ENTREP2: variants seen among roughly 807,000 people sequenced by gnomAD.
ENTREP2 encodes the protein endosomal transmembrane epsin interactor 2.
At chr15:29,365,920 C>T in the ENTREP2 span, among the ~76,000 whole-genome samples, 1 of 152,124 alleles carries the variant, frequency 6.6e-6, no homozygotes, top group Non-Finnish European at 1.5e-5. Flanking sequence ...CAAGGTGCAG[C>T]AGAACCCAGC....
chr15:29,634,699 T>C, the ENTREP2 span, among the ~76,000 whole-genome samples: 1 of 152,248 alleles, frequency 6.6e-6, no homozygotes, highest in African/African-American at 2.4e-5. Flanking sequence ...CAGCAACAAG[T>C]CCGGGGCCTC....
the ENTREP2 span, among the ~76,000 whole-genome samples, chr15:29,345,866 G>A: frequency 6.6e-5 from 10 of 152,280 alleles, no homozygotes; most frequent in Middle Eastern, 3.4e-3. Flanking sequence ...TCAAAAGCAC[G>A]TCCCCGTGAG....
At chr15:29,274,278 T>C in the ENTREP2 span, among the ~76,000 whole-genome samples, 1 of 152,330 alleles carries the variant, frequency 6.6e-6, no homozygotes, top group Non-Finnish European at 1.5e-5. Flanking sequence ...TGTGCATTTA[T>C]TATGTTTCTC....
chr15:29,521,782 A>G, the ENTREP2 span, among the ~76,000 whole-genome samples: 25 of 152,194 alleles, frequency 1.6e-4, no homozygotes, highest in Non-Finnish European at 3.2e-4. Flanking sequence ...GGGAATTGAC[A>G]CTAGTTGGCA....
the ENTREP2 span, among the ~76,000 whole-genome samples, chr15:29,293,423 ATTTTTTTTT>A: frequency 7.0e-6 from 1 of 143,612 alleles, no homozygotes; most frequent in Non-Finnish European, 1.5e-5. Context: ...AATTTTTTGT[ATTTTTTTTT>A]TTTTTAGTAG....
the ENTREP2 span, among the ~76,000 whole-genome samples, chr15:29,629,517 C>T: frequency 4.6e-5 from 7 of 152,252 alleles, no homozygotes; most frequent in African/African-American, 1.2e-4. Context: ...TGAAGCATAT[C>T]GCAGTCTACT....
chr15:29,629,186 T>C, the ENTREP2 span, among the ~76,000 whole-genome samples: 152 of 152,360 alleles, frequency 1.0e-3, no homozygotes, highest in Middle Eastern at 3.4e-3. Context: ...TATGTCATTA[T>C]AGTGAGTTTC....
chr15:29,587,209 G>GA, the ENTREP2 span, among the ~76,000 whole-genome samples: 4 of 146,528 alleles, frequency 2.7e-5, no homozygotes, highest in Middle Eastern at 7.1e-3. Context: ...TCTGTCCACT[G>GA]AAAAAATCTA....
chr15:29,470,661 G>A, the ENTREP2 span, among the ~76,000 whole-genome samples: 1 of 152,198 alleles, frequency 6.6e-6, no homozygotes, highest in African/African-American at 2.4e-5. Flanking sequence ...ACAAGGTGAT[G>A]CGTGTGACTC....
At chr15:29,479,648 G>A in the ENTREP2 span, among the ~76,000 whole-genome samples, 1 of 104,848 alleles carries the variant, frequency 9.5e-6, no homozygotes, top group Non-Finnish European at 1.9e-5. Context: ...CTCTCTCTCT[G>A]TCTGTCTCAC....
At chr15:29,529,511 G>A in the ENTREP2 span, among the ~76,000 whole-genome samples, 1 of 151,924 alleles carries the variant, frequency 6.6e-6, no homozygotes, top group Admixed American at 6.6e-5. Flanking sequence ...TAGAAGGTGA[G>A]AGCCAGAAGA....
At chr15:29,368,395 C>T in the ENTREP2 span, among the ~76,000 whole-genome samples, 1 of 150,952 alleles carries the variant, frequency 6.6e-6, no homozygotes, top group Non-Finnish European at 1.5e-5. Context: ...TATATATACA[C>T]ACATACACAC....
At chr15:29,573,640 TC>T in the ENTREP2 span, among the ~76,000 whole-genome samples, 3 of 150,796 alleles carry the variant, frequency 2.0e-5, no homozygotes, top group East Asian at 1.9e-4. Context: ...TCTCTCTCTC[TC>T]CCCCCCTCTC....
chr15:29,436,014 T>C, the ENTREP2 span, among the ~76,000 whole-genome samples: 10 of 152,132 alleles, frequency 6.6e-5, no homozygotes, highest in African/African-American at 2.4e-4. Context: ...GCAACAAAGC[T>C]AGATCTGGGA....
the ENTREP2 span, among the ~76,000 whole-genome samples, chr15:29,595,065 C>G: frequency 3.3e-5 from 1 of 30,498 alleles, no homozygotes; most frequent in Admixed American, 4.5e-4. Flanking sequence ...CAGACTCCGT[C>G]TCAAAAAAAA....
the ENTREP2 span, among the ~76,000 whole-genome samples, chr15:29,643,215 A>C: frequency 6.6e-6 from 1 of 152,230 alleles, no homozygotes; most frequent in Non-Finnish European, 1.5e-5. Flanking sequence ...GACAACATTA[A>C]GGTAGTTAAA....
the ENTREP2 span, among the ~76,000 whole-genome samples, chr15:29,129,812 T>C: frequency 2.0e-5 from 3 of 152,140 alleles, no homozygotes; most frequent in Non-Finnish European, 4.4e-5. Context: ...GATGCGATGT[T>C]TGGATGTGAT....
At chr15:29,235,748 G>A in the ENTREP2 span, among the ~76,000 whole-genome samples, 2 of 152,118 alleles carry the variant, frequency 1.3e-5, no homozygotes, top group East Asian at 1.9e-4. Context: ...GGTGGATCAC[G>A]AGGTCAGGAA....
chr15:29,586,038 T>C, the ENTREP2 span, among the ~76,000 whole-genome samples: 4 of 152,126 alleles, frequency 2.6e-5, no homozygotes, highest in Non-Finnish European at 5.9e-5. Flanking sequence ...AGCACTATGA[T>C]TCATAATAGC....
Sources: allele counts gnomAD v4.1 joint callset (sites outside exome capture counted in the v4.1 genomes callset), GRCh38; gene constraint gnomAD v4.1.1; transcripts MANE v1.5; gene names NCBI Gene and HGNC (gene_info 2026-07-23, HGNC 2026-07-21).